Variants in DOCK8 observed in about 807,000 individuals in gnomAD.
The protein encoded by DOCK8 is dedicator of cytokinesis 8.
In DOCK8, 141 loss-of-function variants were observed where a neutral mutation model predicts 245.6. The ratio of observed to expected loss-of-function variants is 0.57; its 90% confidence interval spans 0.50 to 0.66. The LOEUF is 0.66. Among genes scored for constraint, DOCK8 ranks in the 30% least tolerant of loss-of-function variants. The pLI, the probability that DOCK8 is intolerant of heterozygous loss-of-function variation, is 0.00. For synonymous variants in DOCK8, 1,168 were observed against 970.2 expected (o/e 1.20, Z -3.79); for missense variants, 2,965 against 2,603.4 (o/e 1.14, Z -3.02).
At chr9:353,626 C>G (rs532131662) in intron 14 of DOCK8, among the ~76,000 whole-genome samples, 2 of 152,180 alleles carry the variant, frequency 1.3e-5, no homozygotes, top group South Asian at 4.2e-4. Flanking sequence ...AAGGAACATG[C>G]AGGTTGGTTG....
intron 22 of DOCK8, 93 bp downstream of exon 22, chr9:382,778 T>C (rs2053777799): frequency 1.3e-6 from 2 of 1,491,392 alleles, no homozygotes; most frequent in Admixed American, 1.9e-5. Flanking sequence ...CCACTACTGC[T>C]GCCCACCATG....
Position 289,478 on chromosome 9 carries a change from T to A in DOCK8, c.333-32T>A. On this transcript the variant is annotated intron_variant, in intron 3 of 47. Transcript: ENST00000432829. Reference sequence around the variant, plus strand: ...GTTGTTTTGTTGTTTTACCCAGTAATAACGTGTTTATTTCATTTTCTACCT... The same window carrying A: ...GTTGTTTTGTTGTTTTACCCAGTAAAAACGTGTTTATTTCATTTTCTACCT... The A allele has an allele frequency of 2.0e-6, 3 of 1,482,800 alleles. No homozygotes were observed. In the East Asian group the frequency reaches 6.9e-5, roughly 34 times the overall value. The allele number at this position is 1,482,800 out of a possible 1,614,324, so 91.9% of individuals were successfully genotyped here. A position where few individuals can be genotyped will look rare whatever the true frequency, so the allele number is the denominator to read the frequency against.
intron 26 of DOCK8, among the ~76,000 whole-genome samples, chr9:402,764 A>T (rs931327449): frequency 6.6e-6 from 1 of 152,220 alleles, no homozygotes; most frequent in Admixed American, 6.5e-5. Context: ...TGTCACTTAC[A>T]ATGTGCCACT....
chr9:451,808 AT>A (rs2131881799), intron 45 of DOCK8, among the ~76,000 whole-genome samples: 1 of 150,548 alleles, frequency 6.6e-6, no homozygotes, highest in African/African-American at 2.4e-5. Flanking sequence ...TCACTCCAAT[AT>A]TTTCTCCCAA....
chr9:408,210 A>T (rs2055530565), intron 28 of DOCK8, among the ~76,000 whole-genome samples: 1 of 152,256 alleles, frequency 6.6e-6, no homozygotes. Flanking sequence ...TTAGTGAAGG[A>T]AACAGGAGGT....
At chr9:250,558 C>A (rs1468834832) in intron 1 of DOCK8, among the ~76,000 whole-genome samples, 2 of 152,160 alleles carry the variant, frequency 1.3e-5, no homozygotes, top group African/African-American at 4.8e-5. Context: ...AATGCTTCCC[C>A]ATGTTTTAGA....
At chr9:333,463 T>TGC (rs2051139462) in intron 10 of DOCK8, among the ~76,000 whole-genome samples, 1 of 152,052 alleles carries the variant, frequency 6.6e-6, no homozygotes, top group Non-Finnish European at 1.5e-5. Context: ...TAGCCGGGCA[T>TGC]GGTGGCACGT....
intron 1 of DOCK8, among the ~76,000 whole-genome samples, chr9:234,809 T>C (rs1249928703): frequency 3.3e-5 from 5 of 152,098 alleles, no homozygotes; most frequent in Non-Finnish European, 5.9e-5. Context: ...TATTTTTTTT[T>C]CAAAGCTTTT....
chr9:269,874 T>G (rs2048118882), intron 1 of DOCK8, among the ~76,000 whole-genome samples: 1 of 152,204 alleles, frequency 6.6e-6, no homozygotes, highest in South Asian at 2.1e-4. Flanking sequence ...ATGTTTTCAT[T>G]TCTCCTGGGT....
intron 1 of DOCK8, among the ~76,000 whole-genome samples, chr9:256,934 G>C (rs1444850483): frequency 1.3e-5 from 2 of 152,184 alleles, no homozygotes; most frequent in African/African-American, 4.8e-5. Flanking sequence ...TCTTTCTACT[G>C]TTCTCAACTA....
chr9:376,868 C>T (rs966891312), intron 19 of DOCK8, 109 bp from the exon 20 acceptor site: 28 of 986,404 alleles, frequency 2.8e-5, no homozygotes, highest in Admixed American at 6.0e-5. Context: ...TGGTCTGAAA[C>T]GCTGGATAAG....
chr9:373,749 T>C (rs1433442494), intron 18 of DOCK8, among the ~76,000 whole-genome samples: 1 of 152,236 alleles, frequency 6.6e-6, no homozygotes, highest in South Asian at 2.1e-4. Flanking sequence ...ACCACAGGCA[T>C]GTGTCTGGTA....
At chr9:320,112 G>C (rs1281575274) in intron 7 of DOCK8, among the ~76,000 whole-genome samples, 1 of 151,990 alleles carries the variant, frequency 6.6e-6, no homozygotes, top group Non-Finnish European at 1.5e-5. Context: ...CACGGAAAAA[G>C]CCCAGGTTCT....
chr9:382,006 C>T (rs1020821552), intron 21 of DOCK8, among the ~76,000 whole-genome samples: 2 of 151,782 alleles, frequency 1.3e-5, no homozygotes, highest in East Asian at 1.9e-4. Context: ...TTTCCATAAC[C>T]GCTTGTGAAA....
chr9:342,397 T>C (rs369520398), intron 14 of DOCK8, among the ~76,000 whole-genome samples: 1 of 151,908 alleles, frequency 6.6e-6, no homozygotes. Context: ...GGGAACTTTT[T>C]AATGGCTTGC....
At chr9:245,941 T>A (rs2047495266) in intron 1 of DOCK8, among the ~76,000 whole-genome samples, 1 of 152,022 alleles carries the variant, frequency 6.6e-6, no homozygotes, top group East Asian at 1.9e-4. Flanking sequence ...GGCATCTGGC[T>A]GGGCATGGTG....
chr9:386,403 G>A lies in DOCK8; in HGVS notation c.2851G>A (p.Ala951Thr), dbSNP rs774413282. ...GSSDAPSSPAAPRPASKKHFH... is the reference protein window; with the variant it reads ...GSSDAPSSPATPRPASKKHFH... ...TAGTGATGCTCCAAGTTCACCTGCA[G>A]CCCCAAGGCCAGCCAGCAAAAAGGT... is the stretch of plus-strand genomic sequence containing the variant. The change falls in exon 23 of 48, where the codon GCC becomes ACC. Residue 951 changes from alanine (A) to threonine (T), a missense_variant. This residue lies in a region of DOCK8 where 2,825 missense variants were observed against 2,453.5 expected (regional missense o/e 1.15). Transcript: ENST00000432829. 6.2e-7 allele frequency: 1 copy of A among 1,613,716 alleles called. No homozygotes were observed. Among genetic ancestry groups the A allele is most frequent in the Admixed American group, 1.7e-5 (1 of 59,996 alleles).
intron 24 of DOCK8, among the ~76,000 whole-genome samples, chr9:392,881 A>G (rs1233848712): frequency 6.6e-6 from 1 of 151,828 alleles, no homozygotes; most frequent in Non-Finnish European, 1.5e-5. Context: ...CCCACCCACC[A>G]TCATGTCTCT....
chr9:412,616 T>TA (rs1037676356), intron 28 of DOCK8, among the ~76,000 whole-genome samples: 12 of 152,116 alleles, frequency 7.9e-5, no homozygotes, highest in African/African-American at 2.4e-4. Context: ...TCTATACACT[T>TA]ACGATGAGCA....
Sources: gnomAD v4.1 joint callset for allele counts (sites outside exome capture counted in the v4.1 genomes callset) on GRCh38, gnomAD v4.1.1 for gene constraint, gnomAD v4.1.1 regional missense constraint, MANE v1.5 for transcripts, NCBI Gene and HGNC (gene_info 2026-07-23, HGNC 2026-07-21) for gene names.